CEACAM6: variants seen among roughly 807,000 people sequenced by gnomAD.
CEACAM6 encodes the protein cell adhesion molecule CEACAM6.
In CEACAM6, 21 loss-of-function variants were observed where a neutral mutation model predicts 32.4. The ratio of observed to expected loss-of-function variants is 0.65; its 90% CI spans 0.46 to 0.93. CEACAM6 has a LOEUF of 0.93. CEACAM6 is among the 40% of genes least tolerant of loss of function. The probability of loss-of-function intolerance (pLI) is 0.00; values close to 1 mark genes in which losing one functional copy is unlikely to be tolerated. For missense variants in CEACAM6, 406 were observed against 432.2 expected (o/e 0.94, Z 0.54); for synonymous variants, 184 against 174.4 (o/e 1.06, Z -0.43).
At chr19:41,766,364 A>T in intron 5 of CEACAM6, 65 bp downstream of exon 5, 3 of 784,020 alleles carry the variant, frequency 3.8e-6, no homozygotes, top group Non-Finnish European at 6.0e-6. Context: ...GGAAAGGAAA[A>T]AAACTTCTTC....
In CEACAM6 at chr19:41,761,342, A is replaced by G. The variant is rs782563294; in HGVS notation, c.518A>G (p.Asn173Ser). 1.2e-6 allele frequency: 2 copies of G among 1,614,218 alleles called. No homozygotes were observed. Among genetic ancestry groups the G allele is most frequent in the Admixed American group, 3.3e-5 (2 of 60,032 alleles). ...VAFTCEPEVQ[N>S]TTYLWWVNGQ... The stretch of plus-strand genomic sequence containing the variant: ...TTCACCTGTGAACCTGAGGTTCAGA[A>G]CACAACCTACCTGTGGTGGGTAAAT... The change falls in exon 3 of 6, where the codon AAC (asparagine) becomes AGC (serine). Residue 173 changes from asparagine to serine, a missense_variant. By Grantham distance (46) the Asn-to-Ser change is conservative. Coordinates refer to ENST00000199764, the MANE Select transcript of CEACAM6 (RefSeq NM_002483.7).
intron 4 of CEACAM6, 119 bp downstream of exon 4, chr19:41,762,342 A>G: frequency 3.4e-6 from 4 of 1,172,078 alleles, no homozygotes; most frequent in Non-Finnish European, 4.8e-6. Context: ...CAAATCCCAA[A>G]TTCTCCCCTG....
chr19:41,766,265 C>A lies in CEACAM6; in HGVS notation c.*6C>A. ...CCAGGGTGGCTCTGATATAGCAGCC[C>A]TGGTGTATTTTCGATATTTCAGGAA... is the stretch of plus-strand genomic sequence containing the variant. On this transcript the variant is annotated 3_prime_UTR_variant, in exon 5 of 6. Coordinates refer to ENST00000199764, the MANE Select transcript of CEACAM6 (RefSeq NM_002483.7). 2 of 1,583,436 alleles carry A rather than the reference C, an allele frequency of 1.3e-6. No individual in the cohort carries two copies. Among genetic ancestry groups the A allele is most frequent in the Non-Finnish European group, 1.7e-6 (2 of 1,166,314 alleles).
At chr19:41,768,812 G>A (rs1174783761) in intron 5 of CEACAM6, among the ~76,000 whole-genome samples, 1 of 152,194 alleles carries the variant, frequency 6.6e-6, no homozygotes, top group Non-Finnish European at 1.5e-5. Context: ...GCCGGGCAGA[G>A]GCGCCCCTCA....
rs1308857456 is a variant in CEACAM6 at position 41,772,039 on chromosome 19, A to C, written c.*1278A>C. Reference sequence around the variant, plus strand: ...CTTTTACAAAAAAGTAACCTGAACTAATCTGATGTTAACCAATGTATTTAT... The same window carrying C: ...CTTTTACAAAAAAGTAACCTGAACTCATCTGATGTTAACCAATGTATTTAT... On this transcript the variant is annotated 3_prime_UTR_variant, in exon 6 of 6. Coordinates refer to ENST00000199764, the MANE Select transcript of CEACAM6 (RefSeq NM_002483.7). The C allele has an allele frequency of 6.6e-6, 1 of 152,126 alleles. No individual in the cohort carries two copies. The allele number at this position is 152,126 out of a possible 1,614,324, so 9.4% of individuals were successfully genotyped here.
intron 4 of CEACAM6, among the ~76,000 whole-genome samples, chr19:41,763,300 C>T (rs1344921377): frequency 6.6e-6 from 1 of 152,188 alleles, no homozygotes; most frequent in African/African-American, 2.4e-5. Flanking sequence ...CCCCTGAACT[C>T]ACCTCTAGAC....
At chr19:41,763,724 C>T (rs1971787) in intron 4 of CEACAM6, among the ~76,000 whole-genome samples, 79,474 of 151,986 alleles carry the variant, frequency 0.52, 21,229 homozygotes, top group Middle Eastern at 0.68. Flanking sequence ...CCAACTCTGA[C>T]TGAACGATGC....
chr19:41,762,594 TCTTTTACCTACTC>T (rs2072933457), intron 4 of CEACAM6, among the ~76,000 whole-genome samples: 2 of 152,156 alleles, frequency 1.3e-5, no homozygotes, highest in Non-Finnish European at 1.5e-5. Flanking sequence ...TTCTTTGTGT[TCTTTTACCTACTC>T]CATAAGCTAC....
intron 5 of CEACAM6, among the ~76,000 whole-genome samples, chr19:41,768,093 A>AT (rs1232300698): frequency 1.1e-4 from 17 of 149,486 alleles, no homozygotes; most frequent in South Asian, 2.1e-4. Context: ...ATTTATTTTT[A>AT]TTTTTTTTTA....
Position 41,761,707 on chromosome 19 carries a change from G to T in CEACAM6, c.703+180G>T, listed in dbSNP as rs145852559. On this transcript the variant is annotated intron_variant, in intron 3 of 5. Transcript: ENST00000199764. ...CTTGACCAAGAATGGGAGGGGAGGG[G>T]CTGTCTCCTGTGCTACTTCTGCTCA... is the stretch of plus-strand genomic sequence containing the variant. 4.7e-4 allele frequency among the ~76,000 whole-genome samples: 71 copies of T among 152,306 alleles called. 1 individual carries two copies. The East Asian group carries it at 0.011, about 24-fold the overall frequency.
chr19:41,769,930 A>G (rs1186902670), intron 5 of CEACAM6, among the ~76,000 whole-genome samples: 1 of 150,472 alleles, frequency 6.6e-6, no homozygotes, highest in Non-Finnish European at 1.5e-5. Context: ...ATAACAGGAT[A>G]CATTTGAAAA....
intron 1 of CEACAM6, 92 bp downstream of exon 1, chr19:41,755,794 A>G: frequency 1.8e-6 from 2 of 1,082,972 alleles, no homozygotes; most frequent in South Asian, 3.1e-5. Context: ...GAGAGGAGAC[A>G]GAGGGCTTTT....
intron 2 of CEACAM6, among the ~76,000 whole-genome samples, chr19:41,760,249 G>A (rs914523724): frequency 3.3e-5 from 5 of 152,132 alleles, no homozygotes; most frequent in African/African-American, 9.7e-5. Flanking sequence ...TCATATAAGT[G>A]GAACCCTACA....
Position 41,756,655 on chromosome 19 carries a change from C to T in CEACAM6, c.120C>T (p.Ser40=), listed in dbSNP as rs2072887761. The T allele has an allele frequency of 1.9e-6, 3 of 1,614,110 alleles. No homozygotes were observed. The highest frequency in any genetic ancestry group is 2.5e-6 in the Non-Finnish European group (3 of 1,180,018). ...PPTTAKLTIE[S]TPFNVAEGKE... is the part of the protein sequence containing the mutation. ...CCACTGCCAAGCTCACTATTGAATCCACGCCGTTCAATGTCGCAGAGGGGA... is the reference window on the plus strand; with the variant it reads ...CCACTGCCAAGCTCACTATTGAATCTACGCCGTTCAATGTCGCAGAGGGGA... Residue 40 remains serine, a synonymous_variant, in exon 2 of 6, where the codon TCC becomes TCT. Transcript: ENST00000199764.
At position 41,756,872 on chromosome 19, in the gene CEACAM6, A is replaced by C; in HGVS notation, c.337A>C (p.Thr113Pro). The C allele has an allele frequency of 6.2e-7, 1 of 1,614,138 alleles. No individual in the cohort carries two copies. The highest frequency in any genetic ancestry group is 8.5e-7 in the Non-Finnish European group (1 of 1,180,024). The change falls in exon 2 of 6, where the codon ACC (threonine) becomes CCC (proline). Residue 113 changes from threonine to proline, a missense_variant. Thr to Pro is a conservative substitution (Grantham distance 38, BLOSUM62 -1). Coordinates refer to ENST00000199764, the MANE Select transcript of CEACAM6 (RefSeq NM_002483.7). ...TGCATCCCTGCTGATCCAGAACGTC[A>C]CCCAGAATGACACAGGATTCTATAC... The part of the protein sequence containing the change: ...PNASLLIQNV[T>P]QNDTGFYTLQ...
intron 5 of CEACAM6, among the ~76,000 whole-genome samples, chr19:41,769,240 C>G (rs1484227834): frequency 6.6e-6 from 1 of 152,162 alleles, no homozygotes; most frequent in Non-Finnish European, 1.5e-5. Flanking sequence ...CCACCGCGCC[C>G]AGCCCCGACA....
intron 1 of CEACAM6, 143 bp downstream of exon 1, chr19:41,755,845 G>A (rs2072881889): frequency 1.7e-6 from 1 of 571,796 alleles, no homozygotes; most frequent in Non-Finnish European, 3.0e-6. Flanking sequence ...AGGGACAGGG[G>A]TCACAACAGG....
In CEACAM6 at chr19:41,772,190, GC is replaced by G. The variant is rs1177246570; in HGVS notation, c.*1431del. 6.6e-6 allele frequency: 1 copy of G among 152,098 alleles called. No individual in the cohort carries two copies. The highest frequency in any genetic ancestry group is 2.4e-5 in the African/African-American group (1 of 41,396). 9.4% of individuals were successfully genotyped at this position (152,098 alleles called of 1,614,324 possible). ...TTTAATTCATAAATCACAAATAAAA[GC>G]CAATTAGCTCTATAACTAAATTTGT... On this transcript the variant is annotated 3_prime_UTR_variant, in exon 6 of 6. Coordinates refer to ENST00000199764, the MANE Select transcript of CEACAM6 (RefSeq NM_002483.7).
Position 41,756,719 on chromosome 19 carries a change from C to T in CEACAM6, c.184C>T (p.Arg62Cys), listed in dbSNP as rs782022161. 18 of 1,613,958 alleles carry T rather than the reference C, an allele frequency of 1.1e-5. No homozygotes were observed. In the Admixed American group the frequency reaches 2.3e-4, roughly 21 times the overall value. ...LLLAHNLPQN[R>C]IGYSWYKGER... ...ACTCGCCCACAACCTGCCCCAGAAT[C>T]GTATTGGTTACAGCTGGTACAAAGG... The change falls in exon 2 of 6, where the codon CGT becomes TGT. Residue 62 changes from arginine (R) to cysteine (C), a missense_variant. Transcript: ENST00000199764.
Sources: allele counts gnomAD v4.1 joint callset (sites outside exome capture counted in the v4.1 genomes callset), GRCh38; gene constraint gnomAD v4.1.1; transcripts MANE v1.5; gene names NCBI Gene and HGNC (gene_info 2026-07-23, HGNC 2026-07-21).